The following DLG2 variants were observed in gnomAD, a reference collection of about 807,000 sequenced individuals.
DLG2 encodes disks large homolog 2.
In DLG2, 45 loss-of-function variants were observed where a neutral mutation model predicts 132.5. That is an observed-to-expected ratio of 0.34 (90% CI 0.27 to 0.44). The LOEUF (loss-of-function observed/expected upper bound fraction) is 0.44, where lower values mean the gene tolerates loss of function less well. Ranked by LOEUF, DLG2 falls within the 20% of genes least tolerant of loss-of-function variation. The probability of loss-of-function intolerance (pLI) is 1.00; values close to 1 mark genes in which losing one functional copy is unlikely to be tolerated. For synonymous variants in DLG2, 424 were observed against 419.6 expected (o/e 1.01, Z -0.13); for missense variants, 1,045 against 1,196.9 (o/e 0.87, Z 1.87).
chr11:83,799,441 A>C (rs759613041), intron 17 of DLG2, among the ~76,000 whole-genome samples: 1 of 152,222 alleles, frequency 6.6e-6, no homozygotes, highest in Non-Finnish European at 1.5e-5. Flanking sequence ...ATCGGATGTG[A>C]TACTATTGAA....
chr11:85,600,741 T>G (rs1044497952), intron 2 of DLG2, among the ~76,000 whole-genome samples: 1 of 152,236 alleles, frequency 6.6e-6, no homozygotes, highest in African/African-American at 2.4e-5. Context: ...AAAACCTCAC[T>G]CAATTATGTT....
intron 7 of DLG2, among the ~76,000 whole-genome samples, chr11:84,344,269 G>C (rs1048304875): frequency 2.6e-5 from 4 of 152,134 alleles, no homozygotes; most frequent in Admixed American, 6.6e-5. Context: ...ATATGACCTT[G>C]TGTGTAAAAT....
chr11:83,965,662 C>CT (rs989683172), intron 12 of DLG2, among the ~76,000 whole-genome samples, 194 bp from the exon 13 acceptor site: 3 of 151,560 alleles, frequency 2.0e-5, no homozygotes, highest in Non-Finnish European at 4.4e-5. Context: ...TTGCTTCTGC[C>CT]TTTTTTTAAA....
intron 17 of DLG2, among the ~76,000 whole-genome samples, chr11:83,797,433 G>A (rs2043102181): frequency 6.6e-6 from 1 of 152,054 alleles, no homozygotes; most frequent in Non-Finnish European, 1.5e-5. Flanking sequence ...ACTTGTCCGA[G>A]GGTACATTGC....
chr11:83,632,893 GTCCACAT>G, intron 19 of DLG2: 1 of 286,922 alleles, frequency 3.5e-6, no homozygotes. Flanking sequence ...CAAGGGTTTG[GTCCACAT>G]ATGCCATTTA....
At chr11:84,251,187 T>C (rs961144539) in intron 8 of DLG2, 51 bp downstream of exon 8, 15 of 1,176,730 alleles carry the variant, frequency 1.3e-5, no homozygotes, top group Non-Finnish European at 1.7e-5. Context: ...ATTCAGCCAA[T>C]TAAGTTCTAC....
intron 3 of DLG2, among the ~76,000 whole-genome samples, chr11:85,446,211 T>A (rs2092001911): frequency 6.6e-6 from 1 of 152,210 alleles, no homozygotes; most frequent in Non-Finnish European, 1.5e-5. Context: ...TCTTTTAACT[T>A]CATTAGGGAT....
intron 15 of DLG2, among the ~76,000 whole-genome samples, chr11:83,929,659 T>C (rs1027120998): frequency 6.6e-6 from 1 of 152,208 alleles, no homozygotes; most frequent in Non-Finnish European, 1.5e-5. Context: ...AAGATCATAC[T>C]GAGGGCAATA....
At chr11:84,151,157 T>G (rs542705032) in intron 9 of DLG2, among the ~76,000 whole-genome samples, 2 of 152,088 alleles carry the variant, frequency 1.3e-5, no homozygotes, top group South Asian at 4.2e-4. Context: ...AACCCTAGAT[T>G]TTTTTGGAAC....
chr11:83,469,582 C>T (rs2136428293), intron 24 of DLG2, among the ~76,000 whole-genome samples: 1 of 152,166 alleles, frequency 6.6e-6, no homozygotes, highest in South Asian at 2.1e-4. Context: ...TTTCAGATAT[C>T]AGACAACAGG....
At chr11:84,620,305 AC>A (rs1371498809) in intron 6 of DLG2, among the ~76,000 whole-genome samples, 1 of 151,896 alleles carries the variant, frequency 6.6e-6, no homozygotes, top group East Asian at 1.9e-4. Context: ...AAAATAATCA[AC>A]ACCAGACTCA....
intron 3 of DLG2, among the ~76,000 whole-genome samples, chr11:85,545,969 GTTTT>G (rs1193513936): frequency 6.6e-6 from 1 of 151,942 alleles, no homozygotes; most frequent in Non-Finnish European, 1.5e-5. Flanking sequence ...TTTATGTAGG[GTTTT>G]TTGTGTCTCT....
At chr11:83,906,870 T>G (rs1035558249) in intron 15 of DLG2, among the ~76,000 whole-genome samples, 4 of 152,160 alleles carry the variant, frequency 2.6e-5, no homozygotes. Context: ...CAGGGCTTAC[T>G]CCTTCTGCAA....
At chr11:83,822,487 C>T (rs956702863) in intron 17 of DLG2, among the ~76,000 whole-genome samples, 5 of 152,104 alleles carry the variant, frequency 3.3e-5, no homozygotes, top group East Asian at 1.9e-4. Context: ...ACAGCCTTAC[C>T]CCCATTAGAG....
chr11:84,097,858 C>T (rs1350567057), intron 10 of DLG2, among the ~76,000 whole-genome samples: 5 of 152,054 alleles, frequency 3.3e-5, no homozygotes, highest in African/African-American at 1.2e-4. Flanking sequence ...ACCTATAGTG[C>T]CTTTTAGCTA....
intron 11 of DLG2, among the ~76,000 whole-genome samples, chr11:84,052,289 A>G (rs1470788586): frequency 1.3e-5 from 2 of 151,888 alleles, no homozygotes; most frequent in African/African-American, 2.4e-5. Flanking sequence ...ATATATTTAC[A>G]TATTATATAT....
intron 12 of DLG2, among the ~76,000 whole-genome samples, chr11:83,968,305 G>C (rs1291737834): frequency 6.6e-6 from 1 of 152,174 alleles, no homozygotes; most frequent in African/African-American, 2.4e-5. Flanking sequence ...GAACTGGAGA[G>C]AATTGAACCT....
intron 18 of DLG2, among the ~76,000 whole-genome samples, chr11:83,728,231 C>G (rs1436632178): frequency 2.0e-5 from 3 of 152,158 alleles, no homozygotes; most frequent in South Asian, 4.1e-4. Context: ...AAATGCTCAC[C>G]TGATCTTGTC....
At chr11:84,931,658 C>G (rs866401842) in intron 6 of DLG2, among the ~76,000 whole-genome samples, 20 of 152,148 alleles carry the variant, frequency 1.3e-4, no homozygotes, top group Admixed American at 2.6e-4. Context: ...AATGGTATTT[C>G]TGTCTTGAGG....
Sources: allele counts gnomAD v4.1 joint callset (sites outside exome capture counted in the v4.1 genomes callset), GRCh38; gene constraint gnomAD v4.1.1; transcripts MANE v1.5; gene names NCBI Gene and HGNC (gene_info 2026-07-23, HGNC 2026-07-21).